The following TCN1 variants were observed in gnomAD, a reference collection of about 807,000 sequenced individuals.
TCN1 encodes transcobalamin 1, also known as transcobalamin-1.
A neutral mutation model predicts 46.3 loss-of-function variants in TCN1; 47 were observed. The ratio of observed to expected loss-of-function variants is 1.01; its 90% CI spans 0.80 to 1.29. TCN1 has a LOEUF of 1.29. Among genes scored for constraint, TCN1 ranks in the 50% most tolerant of loss-of-function variants. TCN1 has a pLI of 0.00. For missense variants in TCN1, 532 were observed against 511.0 expected (o/e 1.04, Z -0.40); for synonymous variants, 183 against 192.5 (o/e 0.95, Z 0.41).
intron 2 of TCN1, 124 bp downstream of exon 2, chr11:59,863,783 T>G: frequency 3.7e-6 from 4 of 1,087,838 alleles, no homozygotes; most frequent in Non-Finnish European, 5.5e-6. Flanking sequence ...TTACCTCAAG[T>G]TTGGTACCAT....
At chr11:59,856,085 G>GGGGGGGGGGGC in intron 5 of TCN1, 27 bp from the exon 6 acceptor site, 4 of 585,326 alleles carry the variant, frequency 6.8e-6, no homozygotes, top group South Asian at 1.4e-5. Flanking sequence ...GGGTGGGGGG[G>GGGGGGGGGGGC]TGATGAGAGA....
At position 59,863,897 on chromosome 11, in the gene TCN1, A is replaced by G. The variant is rs373051851; in HGVS notation, c.259+10T>C. 1.3e-5 allele frequency: 21 copies of G among 1,613,700 alleles called. No homozygotes were observed. The highest frequency in any genetic ancestry group is 1.7e-5 in the Non-Finnish European group (20 of 1,179,656). ...TTTTTCTAAATCTTCCAGAATATAC[A>G]GCAACTTACATCTGCTTTTCACATT... On this transcript the variant is annotated intron_variant, in intron 2 of 8. Coordinates refer to ENST00000257264, the MANE Select transcript of TCN1 (RefSeq NM_001062.4).
At chr11:59,854,983 G>A (rs1158787941) in intron 6 of TCN1, 148 bp from the exon 7 acceptor site, 3 of 861,494 alleles carry the variant, frequency 3.5e-6, no homozygotes, top group African/African-American at 3.4e-5. Flanking sequence ...CACTCAAGGG[G>A]CAAATTTCTC....
chr11:59,853,034 CT>C lies in TCN1; in HGVS notation c.1242del (p.Ala415LeufsTer29), dbSNP rs1866684169. Reference sequence around the variant, plus strand: ...CCATTGCGGACAACGTAACTACCAGCTCCTGAAAAGGAAGAAGAAAGAGAAC... The same window carrying C: ...CCATTGCGGACAACGTAACTACCAGCCCTGAAAAGGAAGAAGAAAGAGAAC... ...LLSGGEPLSQ[G>X]AGSYVVRNGE... On this transcript the variant is annotated frameshift_variant and splice_region_variant, in exon 9 of 9. Coordinates refer to ENST00000257264, the MANE Select transcript of TCN1 (RefSeq NM_001062.4). LOFTEE classifies it high-confidence loss of function. The C allele has an allele frequency of 1.2e-6, 2 of 1,614,022 alleles. No individual in the cohort carries two copies. Among genetic ancestry groups the C allele is most frequent in the Non-Finnish European group, 1.7e-6 (2 of 1,180,004 alleles).
chr11:59,855,184 T>A (rs909245942), intron 6 of TCN1, among the ~76,000 whole-genome samples: 4 of 152,208 alleles, frequency 2.6e-5, no homozygotes, highest in African/African-American at 9.7e-5. Flanking sequence ...TTTTATTGCT[T>A]AACGTTTATT....
At chr11:59,864,417 A>G (rs752245221) in intron 1 of TCN1, among the ~76,000 whole-genome samples, 3 of 152,154 alleles carry the variant, frequency 2.0e-5, no homozygotes, top group Non-Finnish European at 2.9e-5. Context: ...CCTTAAAGAA[A>G]CTTCCATAAT....
At chr11:59,857,802 G>A (rs563403279) in intron 5 of TCN1, among the ~76,000 whole-genome samples, 1 of 148,434 alleles carries the variant, frequency 6.7e-6, no homozygotes, top group Non-Finnish European at 1.5e-5. Flanking sequence ...TGTGAGTTTT[G>A]AGAACAACAG....
rs1852899246 is a variant in TCN1 at position 59,854,340 on chromosome 11, A to G, written c.1121+312T>C. 1.3e-5 allele frequency among the ~76,000 whole-genome samples: 2 copies of G among 148,936 alleles called. 1 individual carries two copies. Among genetic ancestry groups the G allele is most frequent in the African/African-American group, 5.2e-5 (2 of 38,452 alleles). Reference sequence around the variant, plus strand: ...AGGGGTCCGTGATTCAAAAAGAGTTAAGAACCACTGTTCTAGATCTCAAAT... The same window carrying G: ...AGGGGTCCGTGATTCAAAAAGAGTTGAGAACCACTGTTCTAGATCTCAAAT... On this transcript the variant is annotated intron_variant, in intron 7 of 8. Transcript: ENST00000257264.
chr11:59,862,351 T>G (rs1193271704), intron 3 of TCN1, among the ~76,000 whole-genome samples: 2 of 151,936 alleles, frequency 1.3e-5, no homozygotes, highest in African/African-American at 4.8e-5. Flanking sequence ...GTGTGTGTGT[T>G]TCTGCCATCA....
chr11:59,855,164 C>T (rs1390784141), intron 6 of TCN1, among the ~76,000 whole-genome samples: 2 of 151,754 alleles, frequency 1.3e-5, no homozygotes, highest in East Asian at 3.9e-4. Context: ...TAATGCTTGT[C>T]TTTTCTCCTT....
intron 4 of TCN1, among the ~76,000 whole-genome samples, 153 bp downstream of exon 4, chr11:59,861,374 C>A (rs1853012463): frequency 6.6e-6 from 1 of 152,124 alleles, no homozygotes; most frequent in South Asian, 2.1e-4. Flanking sequence ...ATCCATCATC[C>A]ATTCTTCTCA....
In TCN1 at chr11:59,852,837, T is replaced by C. The variant is rs1357518522; in HGVS notation, c.*138A>G. On this transcript the variant is annotated 3_prime_UTR_variant, in exon 9 of 9. Transcript: ENST00000257264. Reference sequence around the variant, plus strand: ...GTTGTTAATCTTTCAACAACTTTTATTGAACATGTAGAGAGAGAAGGGGAG... The same window carrying C: ...GTTGTTAATCTTTCAACAACTTTTACTGAACATGTAGAGAGAGAAGGGGAG... The C allele has an allele frequency of 8.6e-6, 7 of 809,432 alleles. No homozygotes were observed. Among genetic ancestry groups the C allele is most frequent in the African/African-American group, 8.5e-5 (5 of 58,888 alleles). 50.1% of individuals were successfully genotyped at this position (809,432 alleles called of 1,614,324 possible).
chr11:59,866,080 G>A (rs1387285186), intron 1 of TCN1, among the ~76,000 whole-genome samples: 1 of 152,148 alleles, frequency 6.6e-6, no homozygotes, highest in Non-Finnish European at 1.5e-5. Context: ...AAGTTTCTGG[G>A]AGCATAAATT....
intron 5 of TCN1, 35 bp from the exon 6 acceptor site, chr11:59,856,093 A>C (rs2135105867): frequency 6.8e-7 from 1 of 1,470,424 alleles, no homozygotes; most frequent in South Asian, 1.1e-5. Flanking sequence ...GGGTGATGAG[A>C]GATAAAGAGA....
chr11:59,853,758 T>G (rs1273894506), intron 7 of TCN1, among the ~76,000 whole-genome samples: 2 of 152,208 alleles, frequency 1.3e-5, no homozygotes, highest in Non-Finnish European at 2.9e-5. Flanking sequence ...AAAGGATAAT[T>G]TGATATTTCA....
intron 2 of TCN1, 90 bp downstream of exon 2, chr11:59,863,817 T>C: frequency 6.9e-7 from 1 of 1,450,556 alleles, no homozygotes; most frequent in Non-Finnish European, 9.6e-7. Context: ...GCAGGGATAC[T>C]TTGGATGCAT....
In TCN1 at chr11:59,859,201, T is replaced by C. The variant is rs762584996; in HGVS notation, c.623A>G (p.Lys208Arg). 13 of 1,613,908 alleles carry C rather than the reference T, an allele frequency of 8.1e-6. No individual in the cohort carries two copies. The Admixed American group carries it at 2.2e-4, about 27-fold the overall frequency. The part of the protein sequence containing the change: ...VKKSLINGQI[K>R]ADEGSLKNIS... ...GTTCTTTAAACTGCCTTCATCTGCT[T>C]TGATCTGCCCATTTATTAGACTCTT... Residue 208 changes from lysine (K) to arginine (R), a missense_variant, in exon 5 of 9, where the codon AAA becomes AGA. By Grantham distance (26) the Lys-to-Arg change is conservative. Transcript: ENST00000257264.
chr11:59,862,871 G>T, intron 2 of TCN1, 149 bp from the exon 3 acceptor site: 2 of 905,634 alleles, frequency 2.2e-6, no homozygotes, highest in Non-Finnish European at 3.4e-6. Flanking sequence ...GATAAATTCT[G>T]AGAAACTGGT....
intron 3 of TCN1, among the ~76,000 whole-genome samples, chr11:59,862,199 T>C (rs1853021944): frequency 6.6e-6 from 1 of 152,176 alleles, no homozygotes; most frequent in Non-Finnish European, 1.5e-5. Flanking sequence ...ATACTAGCAT[T>C]GTATATTTTG....
Sources: gnomAD v4.1 joint callset for allele counts (sites outside exome capture counted in the v4.1 genomes callset) on GRCh38, gnomAD v4.1.1 for gene constraint, MANE v1.5 for transcripts, NCBI Gene and HGNC (gene_info 2026-07-23, HGNC 2026-07-21) for gene names.